Variants in MLIP observed in about 807,000 individuals in gnomAD.
MLIP encodes the protein muscular LMNA interacting protein.
A neutral mutation model predicts 84.8 loss-of-function variants in MLIP; 79 were observed. That is an observed-to-expected ratio of 0.93 (90% CI 0.78 to 1.12). MLIP has a LOEUF of 1.12. MLIP is among the 50% of genes most tolerant of loss of function. The pLI is 0.00. For missense variants in MLIP, 1,257 were observed against 1,160.6 expected (o/e 1.08, Z -1.21); for synonymous variants, 504 against 463.0 (o/e 1.09, Z -1.14).
chr6:54,100,090 G>C (rs1368324345), intron 1 of MLIP, among the ~76,000 whole-genome samples: 2 of 152,136 alleles, frequency 1.3e-5, no homozygotes, highest in Non-Finnish European at 2.9e-5. Flanking sequence ...ATTATAATAT[G>C]CTGCTACAAC....
intron 1 of MLIP, among the ~76,000 whole-genome samples, chr6:54,060,985 CTT>C (rs78569538): frequency 3.9e-4 from 50 of 127,932 alleles, no homozygotes; most frequent in Non-Finnish European, 3.3e-4. Context: ...TTTACTGTTT[CTT>C]TTTTTTTTTT....
chr6:54,079,528 A>C (rs929988255), intron 1 of MLIP: 8 of 152,228 alleles, frequency 5.3e-5, no homozygotes, highest in African/African-American at 1.9e-4. Flanking sequence ...ATACTTACTC[A>C]TACTTTCATT....
intron 1 of MLIP, among the ~76,000 whole-genome samples, chr6:54,050,102 T>G (rs1441106293): frequency 1.3e-5 from 2 of 152,150 alleles, no homozygotes; most frequent in Non-Finnish European, 2.9e-5. Flanking sequence ...TTTATTCATT[T>G]TCTTTTAAAG....
chr6:54,227,334 C>T (rs555112439), intron 11 of MLIP, among the ~76,000 whole-genome samples: 5 of 152,140 alleles, frequency 3.3e-5, no homozygotes, highest in African/African-American at 9.6e-5. Context: ...ATTAACTAAA[C>T]CTCTCAAGCT....
In MLIP at chr6:54,021,711, A is replaced by G. The variant is rs1268731612; in HGVS notation, c.63+2620A>G. On this transcript the variant is annotated intron_variant, in intron 1 of 12. Transcript: ENST00000274897. ...TTAAAAGATTGCTAGGTACTTAACC[A>G]ATTCAAGGTGACTCTTTTACATCTA... Among the ~76,000 whole-genome samples the G allele has an allele frequency of 3.9e-5, 6 of 152,208 alleles. 1 individual carries two copies. The highest frequency in any genetic ancestry group is 8.8e-5 in the Non-Finnish European group (6 of 68,022).
intron 11 of MLIP, among the ~76,000 whole-genome samples, chr6:54,229,321 A>G (rs1150873): frequency 0.13 from 20,483 of 152,272 alleles, 1,578 homozygotes; most frequent in African/African-American, 0.2. Context: ...GAACATTGTA[A>G]AGAGGATATT....
intron 1 of MLIP, among the ~76,000 whole-genome samples, chr6:54,043,774 C>T (rs1390009357): frequency 2.0e-5 from 3 of 152,002 alleles, no homozygotes; most frequent in Non-Finnish European, 4.4e-5. Context: ...TAGTGGAAGC[C>T]CACAGTCTTA....
intron 6 of MLIP, 38 bp downstream of exon 6, chr6:54,160,470 T>G (rs765775001): frequency 6.2e-7 from 1 of 1,611,622 alleles, no homozygotes; most frequent in Non-Finnish European, 8.5e-7. Flanking sequence ...TGGTATGCAA[T>G]TCCAAAACTT....
At chr6:54,111,626 A>G in intron 1 of MLIP, 51 bp downstream of exon 1, 1 of 1,518,050 alleles carries the variant, frequency 6.6e-7, no homozygotes, top group Non-Finnish European at 8.8e-7. Context: ...AAAGCAGTGT[A>G]CGGTGCTGGT....
At chr6:54,255,438 A>G (rs1014067579) in intron 12 of MLIP, among the ~76,000 whole-genome samples, 1 of 152,224 alleles carries the variant, frequency 6.6e-6, no homozygotes, top group Admixed American at 6.5e-5. Flanking sequence ...TTATGACTAA[A>G]TCCATAAATC....
At chr6:54,033,815 A>T in intron 1 of MLIP, among the ~76,000 whole-genome samples, 1 of 152,196 alleles carries the variant, frequency 6.6e-6, no homozygotes, top group Non-Finnish European at 1.5e-5. Flanking sequence ...TCATGAGGTC[A>T]TTATTATTCT....
intron 11 of MLIP, among the ~76,000 whole-genome samples, chr6:54,211,779 C>T (rs900050755): frequency 2.0e-5 from 3 of 152,196 alleles, no homozygotes; most frequent in African/African-American, 7.2e-5. Context: ...CAAAGAATTA[C>T]CCAGCCTCAA....
chr6:54,085,760 C>G (rs1582103914), intron 1 of MLIP, among the ~76,000 whole-genome samples: 1 of 152,208 alleles, frequency 6.6e-6, no homozygotes, highest in South Asian at 2.1e-4. Flanking sequence ...CTGACTCACA[C>G]AAGCATCTAT....
At chr6:54,058,141 G>A (rs1765766304) in intron 1 of MLIP, 2 of 8,486 alleles carry the variant, frequency 2.4e-4, no homozygotes, top group African/African-American at 4.5e-4. Flanking sequence ...TATATTTTAG[G>A]GGGAATAGAA....
chr6:54,224,889 C>G (rs986857433), intron 11 of MLIP, among the ~76,000 whole-genome samples: 2 of 152,140 alleles, frequency 1.3e-5, no homozygotes, highest in Non-Finnish European at 2.9e-5. Context: ...CCAGTCTCAT[C>G]CAGGTCACTG....
In MLIP at chr6:54,163,064, A is replaced by G. The variant is rs147428423; in HGVS notation, c.2499+2265A>G. Among the ~76,000 whole-genome samples, 49 of 152,188 alleles carry G rather than the reference A, an allele frequency of 3.2e-4. 1 individual carries two copies. In the East Asian group the frequency reaches 9.3e-3, roughly 29 times the overall value. ...GAAGTGTTTATTAGATTTGACTTGT[A>G]TATTTTGAAACCATATTGCTGGTGC... On this transcript the variant is annotated intron_variant, in intron 8 of 13. Transcript: ENST00000502396.
intron 8 of MLIP, among the ~76,000 whole-genome samples, chr6:54,167,491 A>G (rs867992329): frequency 6.6e-6 from 1 of 151,878 alleles, no homozygotes; most frequent in Non-Finnish European, 1.5e-5. Context: ...CTCCAAAATC[A>G]TGGTTAAGTA....
chr6:54,134,224 T>C (rs1023219814), intron 3 of MLIP, among the ~76,000 whole-genome samples: 4 of 152,160 alleles, frequency 2.6e-5, no homozygotes, highest in African/African-American at 9.6e-5. Context: ...CAGGTGCCCA[T>C]GTATTCTTTC....
intron 1 of MLIP, chr6:54,046,103 C>T (rs1160557473): frequency 6.6e-6 from 1 of 152,062 alleles, no homozygotes; most frequent in Admixed American, 6.6e-5. Flanking sequence ...TTTGATCAGC[C>T]CAGCCACTGG....
Sources: allele counts gnomAD v4.1 joint callset (sites outside exome capture counted in the v4.1 genomes callset), GRCh38; gene constraint gnomAD v4.1.1; transcripts MANE v1.5; gene names NCBI Gene and HGNC (gene_info 2026-07-23, HGNC 2026-07-21).